Variants in KCNT2 observed in about 807,000 individuals in gnomAD.
KCNT2 encodes potassium channel subfamily T member 2.
KCNT2 carries 67 observed loss-of-function variants against 153.8 expected under a neutral mutation model. The ratio of observed to expected loss-of-function variants is 0.44; its 90% CI spans 0.36 to 0.53. The LOEUF (loss-of-function observed/expected upper bound fraction) is 0.53. Among genes scored for constraint, KCNT2 ranks in the 20% least tolerant of loss-of-function variants. The pLI is 0.00. For synonymous variants in KCNT2, 500 were observed against 458.8 expected, an observed-to-expected ratio of 1.09 and a Z score of -1.15; for missense variants, 975 against 1,354.8, an observed-to-expected ratio of 0.72 and a Z score of 4.40.
intron 1 of KCNT2, among the ~76,000 whole-genome samples, chr1:196,545,568 A>G (rs541176901): frequency 8.5e-5 from 13 of 152,146 alleles, no homozygotes; most frequent in Non-Finnish European, 1.8e-4. Context: ...TATAATTTAT[A>G]TAGCATACAA....
chr1:196,247,007 A>G (rs1182348621), intron 26 of KCNT2, among the ~76,000 whole-genome samples: 1 of 152,144 alleles, frequency 6.6e-6, no homozygotes, highest in African/African-American at 2.4e-5. Context: ...ATGAATTAGA[A>G]AAACAAGACT....
chr1:196,502,522 G>A (rs149940268), intron 1 of KCNT2, among the ~76,000 whole-genome samples: 81 of 152,182 alleles, frequency 5.3e-4, no homozygotes, highest in Non-Finnish European at 1.9e-4. Flanking sequence ...ATGGTAATGA[G>A]GAAATAAAAT....
chr1:196,353,321 G>A (rs746213078), intron 14 of KCNT2, among the ~76,000 whole-genome samples: 2 of 151,840 alleles, frequency 1.3e-5, no homozygotes, highest in Non-Finnish European at 2.9e-5. Flanking sequence ...GGCTGGGGGT[G>A]GATGCATAAC....
chr1:196,495,549 T>C (rs1680187078), intron 1 of KCNT2, among the ~76,000 whole-genome samples: 1 of 152,046 alleles, frequency 6.6e-6, no homozygotes, highest in Non-Finnish European at 1.5e-5. Flanking sequence ...TCTTTTCTTC[T>C]GACCTCCCTA....
At chr1:196,498,272 A>G (rs113391565) in intron 1 of KCNT2, among the ~76,000 whole-genome samples, 2 of 152,148 alleles carry the variant, frequency 1.3e-5, no homozygotes, top group African/African-American at 2.4e-5. Flanking sequence ...TCTTTCAGAA[A>G]CACTAGTTTG....
chr1:196,253,612 T>C (rs1656186785), intron 26 of KCNT2, among the ~76,000 whole-genome samples: 1 of 151,564 alleles, frequency 6.6e-6, no homozygotes, highest in Admixed American at 6.6e-5. Flanking sequence ...TCCCTTTCCC[T>C]GGGGAACAAA....
chr1:196,402,351 G>T (rs1031984473), intron 12 of KCNT2, among the ~76,000 whole-genome samples: 4 of 151,510 alleles, frequency 2.6e-5, no homozygotes, highest in African/African-American at 9.7e-5. Flanking sequence ...GTTTAGTGTA[G>T]TTTCTAATCT....
Position 196,468,977 on chromosome 1 carries a change from G to A in KCNT2, c.459+17C>T, listed in dbSNP as rs756008885. The A allele has an allele frequency of 2.6e-6, 4 of 1,516,538 alleles. No individual in the cohort carries two copies. Among genetic ancestry groups the A allele is most frequent in the Admixed American group, 3.5e-5 (2 of 57,078 alleles). The allele number at this position is 1,516,538 out of a possible 1,614,324, so 93.9% of individuals were successfully genotyped here. A position where few individuals can be genotyped will look rare whatever the true frequency, so the allele number is the denominator to read the frequency against. On this transcript the variant is annotated intron_variant, in intron 6 of 27. Transcript: ENST00000294725. ...CTAATTACAAAAGTGTTTTTTTAAGGTTCTTTTAGGACTTACTGAGATAAT... is the reference window on the plus strand; with the variant it reads ...CTAATTACAAAAGTGTTTTTTTAAGATTCTTTTAGGACTTACTGAGATAAT...
chr1:196,591,083 A>G (rs186201286), intron 1 of KCNT2, among the ~76,000 whole-genome samples: 3 of 152,048 alleles, frequency 2.0e-5, no homozygotes, highest in South Asian at 2.1e-4. Flanking sequence ...ATGATCCCCA[A>G]TGTTGGAGGT....
At chr1:196,465,261 C>T (rs1677506092) in intron 8 of KCNT2, 32 bp downstream of exon 8, 8 of 1,118,366 alleles carry the variant, frequency 7.2e-6, no homozygotes, top group South Asian at 2.7e-5. Context: ...TTAAATGAAA[C>T]ATAACACAAA....
intron 13 of KCNT2, among the ~76,000 whole-genome samples, chr1:196,378,501 C>T (rs1373522078): frequency 6.6e-6 from 1 of 151,674 alleles, no homozygotes; most frequent in Non-Finnish European, 1.5e-5. Flanking sequence ...GTCAAATACT[C>T]CAAGTTTTAG....
chr1:196,364,202 AG>A (rs2148287264), intron 14 of KCNT2, among the ~76,000 whole-genome samples: 1 of 152,284 alleles, frequency 6.6e-6, no homozygotes, highest in Non-Finnish European at 1.5e-5. Context: ...TGTTAAGGGA[AG>A]TTTATGTATG....
At chr1:196,306,155 G>T (rs978895924) in intron 21 of KCNT2, among the ~76,000 whole-genome samples, 6 of 151,810 alleles carry the variant, frequency 4.0e-5, no homozygotes, top group African/African-American at 1.5e-4. Context: ...AAATATTTTG[G>T]TATTCTCTGT....
chr1:196,370,979 T>C (rs536988826), intron 14 of KCNT2, among the ~76,000 whole-genome samples: 60 of 152,212 alleles, frequency 3.9e-4, no homozygotes, highest in African/African-American at 1.4e-3. Context: ...TCTCTACCAT[T>C]ATGCAATGCA....
chr1:196,539,752 C>A (rs1233127250), intron 1 of KCNT2, among the ~76,000 whole-genome samples: 1 of 151,786 alleles, frequency 6.6e-6, no homozygotes. Flanking sequence ...AAATAATTTT[C>A]TCTGATGTCT....
chr1:196,276,636 CT>C (rs1482430891), intron 25 of KCNT2, among the ~76,000 whole-genome samples: 1 of 151,878 alleles, frequency 6.6e-6, no homozygotes, highest in Non-Finnish European at 1.5e-5. Context: ...CTCATTCATT[CT>C]GGTGGGAGTA....
At chr1:196,511,072 C>A (rs1422859701) in intron 1 of KCNT2, among the ~76,000 whole-genome samples, 3 of 150,060 alleles carry the variant, frequency 2.0e-5, no homozygotes, top group Non-Finnish European at 4.4e-5. Flanking sequence ...AAGGAAGCAC[C>A]TAAAAAAAGT....
chr1:196,247,132 A>G (rs1655527872), intron 26 of KCNT2, among the ~76,000 whole-genome samples: 1 of 152,206 alleles, frequency 6.6e-6, no homozygotes, highest in Admixed American at 6.6e-5. Flanking sequence ...GACTAGGAGA[A>G]ATGTTTTTAC....
At chr1:196,529,214 TA>T (rs1467064007) in intron 1 of KCNT2, among the ~76,000 whole-genome samples, 3 of 152,136 alleles carry the variant, frequency 2.0e-5, no homozygotes, top group African/African-American at 7.2e-5. Context: ...TGTTGATCAT[TA>T]AAAGAAATAT....
Sources: gnomAD v4.1 joint callset for allele counts (sites outside exome capture counted in the v4.1 genomes callset) on GRCh38, gnomAD v4.1.1 for gene constraint, MANE v1.5 for transcripts, NCBI Gene and HGNC (gene_info 2026-07-23, HGNC 2026-07-21) for gene names.